C1S: variants seen among roughly 807,000 people sequenced by gnomAD.
C1S encodes the protein complement C1s subcomponent.
Under a neutral mutation model 54.0 loss-of-function variants are expected in C1S, and 31 were observed. That is an observed-to-expected ratio of 0.57 (90% confidence interval 0.43 to 0.78). The LOEUF is 0.78. Among genes scored for constraint, C1S ranks in the 30% least tolerant of loss-of-function variants. The pLI is 0.00. For missense variants in C1S, 727 were observed against 851.8 expected (o/e 0.85, Z 1.82); for synonymous variants, 292 against 303.6 (o/e 0.96, Z 0.40).
At chr12:7,067,797 A>G in intron 10 of C1S, 26 bp downstream of exon 10, 1 of 1,610,240 alleles carries the variant, frequency 6.2e-7, no homozygotes, top group Admixed American at 1.7e-5. Context: ...TGGAGAAGAG[A>G]GAGAGAGAGT....
rs1196329834 is a variant in C1S, at chr12:7,065,233, C to T, written c.651C>T (p.Thr217=). ...AGAAAGGGTTCCAAGTGGTGGTGAC[C>T]TTGCGGAGAGAAGATTTTGATGTGG... The part of the protein sequence containing the change: ...RLEKGFQVVV[T]LRREDFDVEA... The change falls in exon 6 of 12, where the codon ACC becomes ACT. Residue 217 remains threonine, a synonymous_variant. Coordinates refer to ENST00000360817, the MANE Select transcript of C1S (RefSeq NM_001734.5). 2.5e-6 allele frequency: 4 copies of T among 1,613,954 alleles called. No individual in the cohort carries two copies. The African/African-American group carries it at 5.3e-5, about 22-fold the overall frequency.
rs782740463 is a variant in C1S, at chr12:7,064,263, G to A, written c.392-4G>A. ...TGACCTCAGCCTCTTTCTACTCTTT[G>A]TAGACATAAATGAATGCACAGATTT... On this transcript the variant is annotated splice_polypyrimidine_tract_variant and splice_region_variant and intron_variant, in intron 4 of 11. Transcript: ENST00000360817. 4 of 1,613,900 alleles carry A rather than the reference G, an allele frequency of 2.5e-6. No individual in the cohort carries two copies. The African/African-American group carries it at 4.0e-5, about 16-fold the overall frequency.
rs369869435 is a variant in C1S, at chr12:7,069,949, T to G, written c.1365T>G (p.Phe455Leu). 65 of 1,614,046 alleles carry G rather than the reference T, an allele frequency of 4.0e-5. No individual in the cohort carries two copies. The highest frequency in any genetic ancestry group is 5.3e-5 in the Non-Finnish European group (62 of 1,180,034). ...DIKNFPWQVF[F>L]DNPWAGGALI... ...AAAACTTCCCCTGGCAAGTCTTCTT[T>G]GACAACCCATGGGCTGGTGGAGCGC... The change falls in exon 12 of 12, where the codon TTT becomes TTG. Residue 455 changes from phenylalanine (F) to leucine (L), a missense_variant. Around this residue, in one of 3 missense-constraint regions of C1S, gnomAD observed 360 missense variants for 453.6 expected, o/e 0.79. Transcript: ENST00000360817.
chr12:7,066,231 G>A, intron 7 of C1S: 1 of 609,038 alleles, frequency 1.6e-6, no homozygotes, highest in Non-Finnish European at 2.9e-6. Flanking sequence ...TGTTCTGATA[G>A]AATCCTGAGA....
At chr12:7,061,774 G>A (rs1185626253) in intron 1 of C1S, 65 bp from the exon 2 acceptor site, 2 of 872,080 alleles carry the variant, frequency 2.3e-6, no homozygotes, top group Non-Finnish European at 3.8e-6. Flanking sequence ...CCCAGGTGAC[G>A]CCGCACCACC....
chr12:7,066,321 C>T (rs1462512235), intron 7 of C1S, 197 bp from the exon 8 acceptor site: 2 of 662,282 alleles, frequency 3.0e-6, no homozygotes, highest in African/African-American at 1.8e-5. Flanking sequence ...TTTAACTAGA[C>T]CTGAGACTGC....
chr12:7,066,860 G>A (rs1937679721), intron 8 of C1S, 179 bp from the exon 9 acceptor site: 8 of 710,622 alleles, frequency 1.1e-5, no homozygotes, highest in Admixed American at 8.1e-5. Flanking sequence ...GAGTTGACAC[G>A]TTGGGGCAAA....
intron 11 of C1S, 38 bp downstream of exon 11, chr12:7,068,568 T>A (rs11838267): frequency 3.6e-6 from 5 of 1,401,414 alleles, no homozygotes; most frequent in Non-Finnish European, 5.1e-6. Context: ...ATGATAGCCA[T>A]GGGTGACTGG....
chr12:7,067,466 A>G lies in C1S; in HGVS notation c.1067-177A>G, dbSNP rs2192137. 748,027 of 768,848 alleles carry G rather than the reference A, an allele frequency of 0.97. 364,010 individuals carry two copies. The highest frequency in any genetic ancestry group is 1 in the East Asian group (40,856 of 40,856). The allele number at this position is 768,848 out of a possible 1,614,324, so 47.6% of individuals were successfully genotyped here. A position where few individuals can be genotyped will look rare whatever the true frequency, so the allele number is the denominator to read the frequency against. ...CTGAATTGGCATCTCAGCGGGTGAG[A>G]GAGCTGAGAGATGCCAGTTGGGGAG... On this transcript the variant is annotated intron_variant, in intron 9 of 11. Coordinates refer to ENST00000360817, the MANE Select transcript of C1S (RefSeq NM_001734.5).
Position 7,061,821 on chromosome 12 carries a change from A to G in C1S, c.-74-18A>G. 11 of 1,419,222 alleles carry G rather than the reference A, an allele frequency of 7.8e-6. No homozygotes were observed. Among genetic ancestry groups the G allele is most frequent in the Non-Finnish European group, 1.1e-5 (11 of 1,003,232 alleles). 87.9% of individuals were successfully genotyped at this position (1,419,222 alleles called of 1,614,324 possible). On this transcript the variant is annotated intron_variant, in intron 1 of 11. Transcript: ENST00000360817. ...TTGTGTTTGTCAGACAAATACAGCC[A>G]GGCCTGCCACCCCTTAGGCTCCAAA... is the stretch of plus-strand genomic sequence containing the variant.
intron 1 of C1S, 83 bp from the exon 2 acceptor site, chr12:7,061,756 C>T: frequency 1.3e-6 from 1 of 751,836 alleles, no homozygotes; most frequent in South Asian, 1.5e-5. Flanking sequence ...TTGAAGGTGA[C>T]ACTGAGCCCC....
intron 1 of C1S, 78 bp downstream of exon 1, chr12:7,060,955 G>A (rs1225144331): frequency 6.6e-6 from 1 of 152,276 alleles, no homozygotes; most frequent in Non-Finnish European, 1.5e-5. Flanking sequence ...AGGAGGGCTT[G>A]GGGCAATGAT....
At chr12:7,062,443 T>C in intron 2 of C1S, 32 bp from the exon 3 acceptor site, 4 of 1,562,726 alleles carry the variant, frequency 2.6e-6, no homozygotes, top group Non-Finnish European at 3.5e-6. Flanking sequence ...TGGTGCCTGG[T>C]CACCCGCCAA....
chr12:7,067,831 G>A, intron 10 of C1S, 60 bp downstream of exon 10: 1 of 1,535,120 alleles, frequency 6.5e-7, no homozygotes, highest in Non-Finnish European at 9.0e-7. Flanking sequence ...AGGGTGGATA[G>A]CATAATCTGT....
chr12:7,063,191 C>A, intron 4 of C1S, 124 bp downstream of exon 4: 1 of 906,730 alleles, frequency 1.1e-6, no homozygotes, highest in Non-Finnish European at 1.7e-6. Context: ...GTTGACTTGG[C>A]CTGGGTCGCT....
chr12:7,066,177 A>G (rs1283857274), intron 7 of C1S: 2 of 622,152 alleles, frequency 3.2e-6, no homozygotes, highest in African/African-American at 3.7e-5. Flanking sequence ...CTCTAAAACA[A>G]AACAAAAACA....
rs782666102 is a variant in C1S, at chr12:7,067,117, C to T, written c.1066C>T (p.Pro356Ser). 2.1e-5 allele frequency: 33 copies of T among 1,566,178 alleles called. No individual in the cohort carries two copies. Among genetic ancestry groups the T allele is most frequent in the Admixed American group, 3.3e-5 (2 of 59,944 alleles). ...KWSNSKLKCQPVDCGIPESIE... is the reference protein window; with the variant it reads ...KWSNSKLKCQSVDCGIPESIE... ...GAGTAATTCCAAACTGAAATGTCAA[C>T]GTATGTGTCTCTTCAAAGTGGAAGT... Residue 356 changes from proline (P) to serine (S), a missense_variant and splice_region_variant, in exon 9 of 12, where the codon CCT becomes TCT. Coordinates refer to ENST00000360817, the MANE Select transcript of C1S (RefSeq NM_001734.5).
rs149101075 is a variant in C1S, at chr12:7,070,528, C to T, written c.1944C>T (p.Tyr648=). 7.6e-5 allele frequency: 123 copies of T among 1,613,596 alleles called. 1 individual carries two copies. The highest frequency in any genetic ancestry group is 4.9e-4 in the Middle Eastern group (3 of 6,080). ...VQDPNDKTKF[Y]AAGLVSWGPQ... ...ATCCCAATGACAAGACCAAATTCTACGCAGCTGGCCTGGTGTCCTGGGGGC... is the reference window on the plus strand; with the variant it reads ...ATCCCAATGACAAGACCAAATTCTATGCAGCTGGCCTGGTGTCCTGGGGGC... Residue 648 remains tyrosine, a synonymous_variant, in exon 12 of 12, where the codon TAC becomes TAT. Coordinates refer to ENST00000360817, the MANE Select transcript of C1S (RefSeq NM_001734.5). This position sits in a 1 kb window ranked among gnomAD's most constrained non-coding sequence, Gnocchi z 4.9.
chr12:7,066,674 G>T (rs1555162312), intron 8 of C1S, 41 bp downstream of exon 8: 1 of 1,179,810 alleles, frequency 8.5e-7, no homozygotes, highest in Non-Finnish European at 1.3e-6. Flanking sequence ...CCTGGCCCCA[G>T]ATCAGGATGA....
Sources: allele counts gnomAD v4.1 joint callset, GRCh38; gene constraint gnomAD v4.1.1; regional missense constraint gnomAD v4.1.1; non-coding constraint Gnocchi (gnomAD v3.1); transcripts MANE v1.5; gene names NCBI Gene and HGNC (gene_info 2026-07-23, HGNC 2026-07-21).